Variants in NXPE1 observed in about 807,000 individuals in gnomAD.
NXPE1 encodes neurexophilin and PC-esterase domain family member 1, also known as NXPE family member 1.
In NXPE1, 31 loss-of-function variants were observed where a neutral mutation model predicts 33.3. That is an observed-to-expected ratio of 0.93 (90% confidence interval 0.70 to 1.26). NXPE1 has a LOEUF of 1.26. NXPE1 is among the 50% of genes most tolerant of loss of function. NXPE1 has a pLI of 0.00. For missense variants in NXPE1, 661 were observed against 655.6 expected (o/e 1.01, Z -0.09); for synonymous variants, 229 against 231.4 (o/e 0.99, Z 0.09).
At chr11:114,556,295 A>G (rs1428571860) in intron 1 of NXPE1, among the ~76,000 whole-genome samples, 1 of 152,192 alleles carries the variant, frequency 6.6e-6, no homozygotes, top group Non-Finnish European at 1.5e-5. Context: ...AAACCTACAA[A>G]CTCTGTTTCC....
chr11:114,551,266 C>T, intron 4 of NXPE1, 55 bp from the exon 5 acceptor site: 1 of 1,318,228 alleles, frequency 7.6e-7, no homozygotes, highest in Non-Finnish European at 1.0e-6. Flanking sequence ...TCTGTACTCA[C>T]TCATTATTTT....
At chr11:114,531,038 T>C in intron 5 of NXPE1, 130 bp from the exon 6 acceptor site, 1 of 1,000,696 alleles carries the variant, frequency 1.0e-6, no homozygotes, top group Non-Finnish European at 1.4e-6. Flanking sequence ...AAATTGAATA[T>C]TTGGTAATAA....
At chr11:114,538,631 A>T (rs1005531370) in intron 5 of NXPE1, among the ~76,000 whole-genome samples, 1 of 152,240 alleles carries the variant, frequency 6.6e-6, no homozygotes, top group South Asian at 2.1e-4. Flanking sequence ...ATATGAACAG[A>T]CACTTCTCAA....
At chr11:114,525,635 G>C (rs898425046) in intron 7 of NXPE1, among the ~76,000 whole-genome samples, 2 of 152,152 alleles carry the variant, frequency 1.3e-5, no homozygotes, top group Non-Finnish European at 2.9e-5. Flanking sequence ...CTTCTGTGCA[G>C]CACAGTGAAG....
At chr11:114,530,075 G>A in intron 6 of NXPE1, 100 bp downstream of exon 6, 2 of 1,229,612 alleles carry the variant, frequency 1.6e-6, no homozygotes, top group Non-Finnish European at 2.3e-6. Context: ...TTGAGTACAG[G>A]AGGCCTCTGA....
chr11:114,530,875 G>A (rs772816443), exon 6 of NXPE1: 2 of 1,612,768 alleles, frequency 1.2e-6, no homozygotes, highest in Non-Finnish European at 1.7e-6. Flanking sequence ...TTCCAGTAAT[G>A]GACAGAGATG....
intron 1 of NXPE1, among the ~76,000 whole-genome samples, chr11:114,558,659 T>C (rs1388680433): frequency 6.6e-6 from 1 of 152,228 alleles, no homozygotes; most frequent in Non-Finnish European, 1.5e-5. Flanking sequence ...ACAATCCTCC[T>C]GTTATGGACT....
chr11:114,531,158 G>GTA (rs1375981673), intron 5 of NXPE1, among the ~76,000 whole-genome samples: 1 of 151,670 alleles, frequency 6.6e-6, no homozygotes, highest in African/African-American at 2.4e-5. Flanking sequence ...TGATAATTTT[G>GTA]TATAAAATGT....
intron 5 of NXPE1, among the ~76,000 whole-genome samples, chr11:114,537,178 A>T (rs867171149): frequency 1.3e-5 from 2 of 152,318 alleles, no homozygotes; most frequent in African/African-American, 4.8e-5. Context: ...AAAGACAAAA[A>T]CCAGATGATT....
chr11:114,531,148 T>G (rs895102954), intron 5 of NXPE1, among the ~76,000 whole-genome samples: 1 of 151,914 alleles, frequency 6.6e-6, no homozygotes, highest in Non-Finnish European at 1.5e-5. Context: ...ATTTAAATTG[T>G]GATAATTTTG....
chr11:114,532,064 T>C (rs1947605148), intron 5 of NXPE1, among the ~76,000 whole-genome samples: 2 of 152,174 alleles, frequency 1.3e-5, no homozygotes, highest in Admixed American at 1.3e-4. Context: ...AGACCAGTAG[T>C]TGTCATCCCC....
chr11:114,554,190 A>G lies in NXPE1; in HGVS notation c.-210-1310T>C, dbSNP rs561038204. The G allele has an allele frequency of 3.3e-4, 324 of 984,900 alleles. 4 individuals are homozygous for G. In the South Asian group the frequency reaches 0.013, roughly 39 times the overall value. The allele number at this position is 984,900 out of a possible 1,614,324, so 61.0% of individuals were successfully genotyped here. On this transcript the variant is annotated intron_variant, in intron 1 of 8. Coordinates refer to ENST00000534921, the Ensembl canonical transcript of NXPE1. ...CTAGTTGTCTCTTTCATCAGCTGTAATAGAAACTTGTAGCTGGACATGTGT... is the reference window on the plus strand; with the variant it reads ...CTAGTTGTCTCTTTCATCAGCTGTAGTAGAAACTTGTAGCTGGACATGTGT...
downstream of NXPE1, among the ~76,000 whole-genome samples, chr11:114,519,385 T>C (rs1433621423): frequency 6.6e-6 from 1 of 152,182 alleles, no homozygotes; most frequent in Non-Finnish European, 1.5e-5. Flanking sequence ...AAAACCTCTC[T>C]CTAAAGAGAT....
At chr11:114,534,787 G>T (rs910340852) in intron 5 of NXPE1, among the ~76,000 whole-genome samples, 19 of 152,206 alleles carry the variant, frequency 1.2e-4, no homozygotes, top group Admixed American at 2.0e-4. Context: ...TATGTGAAAA[G>T]ACCAAATCTA....
chr11:114,534,826 G>A (rs1009796682), intron 5 of NXPE1, among the ~76,000 whole-genome samples: 13 of 152,280 alleles, frequency 8.5e-5, no homozygotes, highest in South Asian at 8.3e-4. Flanking sequence ...GAAAGTGACG[G>A]GGAGAATGGA....
chr11:114,530,101 G>C, intron 6 of NXPE1, 74 bp downstream of exon 6: 1 of 1,424,752 alleles, frequency 7.0e-7, no homozygotes, highest in Non-Finnish European at 9.5e-7. Context: ...GCTCAATGTT[G>C]CAATGGGCAA....
chr11:114,519,843 T>C (rs9667836), downstream of NXPE1, among the ~76,000 whole-genome samples: 36,702 of 151,886 alleles, frequency 0.24, 6,602 homozygotes, highest in African/African-American at 0.5. Flanking sequence ...GTGAAATGAT[T>C]ACTGTAGTCA....
chr11:114,535,206 C>T (rs1055790824), intron 5 of NXPE1, among the ~76,000 whole-genome samples: 6 of 146,504 alleles, frequency 4.1e-5, no homozygotes, highest in African/African-American at 7.4e-5. Flanking sequence ...AGGAGAAATA[C>T]AATACTTTAC....
At chr11:114,519,968 T>TCGCCTCCCGGGTTCACGCTACTCTCC (rs1356498370), downstream of NXPE1, among the ~76,000 whole-genome samples, 1 of 117,234 alleles carries the variant, frequency 8.5e-6, no homozygotes. Context: ...CTCGGCGAGC[T>TCGCCTCCCGGGTTCACGCTACTCTCC]TGCCCGCTAA....
Sources: gnomAD v4.1 joint callset for allele counts (sites outside exome capture counted in the v4.1 genomes callset) on GRCh38, gnomAD v4.1.1 for gene constraint, MANE v1.5 for transcripts, NCBI Gene and HGNC (gene_info 2026-07-23, HGNC 2026-07-21) for gene names.